The following VWA3B variants were observed in gnomAD, a reference collection of about 807,000 sequenced individuals.
The protein encoded by VWA3B is von Willebrand factor A domain containing 3B, also known as von Willebrand factor A domain-containing protein 3B.
In VWA3B, 138 loss-of-function variants were observed where a neutral mutation model predicts 158.3. The observed-to-expected ratio is 0.87, with a 90% CI of 0.76 to 1.00. VWA3B has a LOEUF of 1.00. VWA3B is among the 50% of genes least tolerant of loss of function. The probability of loss-of-function intolerance (pLI) is 0.00; values close to 1 mark genes in which losing one functional copy is unlikely to be tolerated. For synonymous variants in VWA3B, 596 were observed against 587.3 expected (o/e 1.01, Z -0.21); for missense variants, 1,555 against 1,565.1 (o/e 0.99, Z 0.11).
In VWA3B at chr2:98,303,746, G is replaced by T; in HGVS notation, c.3465G>T (p.Lys1155Asn). ...RSALIKISQN[K>N]YALSCSHIKS... ...CACTTATTAAGATCAGCCAAAACAA[G>T]TATGCGCTCTCTTGCTCTCATATAA... is the stretch of plus-strand genomic sequence containing the variant. The change falls in exon 26 of 28, where the codon AAG becomes AAT. Residue 1155 changes from lysine to asparagine, a missense_variant. Transcript: ENST00000477737. 1 of 1,614,156 alleles carries T rather than the reference G, an allele frequency of 6.2e-7. No individual in the cohort carries two copies. Among genetic ancestry groups the T allele is most frequent in the South Asian group, 1.1e-5 (1 of 91,080 alleles).
At chr2:98,239,476 TC>T (rs1685928920) in intron 19 of VWA3B, among the ~76,000 whole-genome samples, 1 of 152,118 alleles carries the variant, frequency 6.6e-6, no homozygotes, top group African/African-American at 2.4e-5. Context: ...CTCCCTTTTT[TC>T]TTTTACCAAA....
intron 20 of VWA3B, among the ~76,000 whole-genome samples, chr2:98,253,545 A>G (rs1686935027): frequency 6.6e-6 from 1 of 152,118 alleles, no homozygotes. Flanking sequence ...ACTTTCATTG[A>G]AAGTCTAAGG....
intron 5 of VWA3B, among the ~76,000 whole-genome samples, chr2:98,124,115 A>T (rs760943270): frequency 6.6e-6 from 1 of 152,162 alleles, no homozygotes; most frequent in Non-Finnish European, 1.5e-5. Flanking sequence ...GGCCACATTA[A>T]TCCATGACCC....
At chr2:98,096,133 G>C (rs1168889813) in intron 2 of VWA3B, among the ~76,000 whole-genome samples, 1 of 152,228 alleles carries the variant, frequency 6.6e-6, no homozygotes, top group Non-Finnish European at 1.5e-5. Context: ...TGTTGCCTCA[G>C]AGAATGGATT....
chr2:98,210,251 C>T (rs1331905276), intron 12 of VWA3B, among the ~76,000 whole-genome samples: 1 of 152,140 alleles, frequency 6.6e-6, no homozygotes, highest in Non-Finnish European at 1.5e-5. Flanking sequence ...TCTGTGGTTT[C>T]CTGCCTATCC....
chr2:98,140,802 C>T (rs984371883), intron 7 of VWA3B, among the ~76,000 whole-genome samples: 45 of 152,142 alleles, frequency 3.0e-4, no homozygotes, highest in African/African-American at 9.9e-4. Flanking sequence ...TTCATCTTAC[C>T]CATAAGCAAA....
chr2:98,314,024 C>T (rs1346535570), downstream of VWA3B, among the ~76,000 whole-genome samples: 1 of 152,166 alleles, frequency 6.6e-6, no homozygotes, highest in Non-Finnish European at 1.5e-5. Context: ...ACAACAGTTT[C>T]CAAAACACTG....
intron 7 of VWA3B, among the ~76,000 whole-genome samples, chr2:98,158,187 G>A (rs1678259524): frequency 6.6e-6 from 1 of 152,102 alleles, no homozygotes; most frequent in Non-Finnish European, 1.5e-5. Flanking sequence ...AATAAAAAAG[G>A]AGGACAGAAA....
intron 20 of VWA3B, among the ~76,000 whole-genome samples, chr2:98,251,998 C>T (rs933169665): frequency 2.0e-5 from 3 of 152,180 alleles, no homozygotes; most frequent in Non-Finnish European, 2.9e-5. Context: ...CCCCGTGGGT[C>T]GGAGACTTCC....
chr2:98,118,433 G>A (rs1022807580), intron 3 of VWA3B, among the ~76,000 whole-genome samples: 8 of 152,166 alleles, frequency 5.3e-5, no homozygotes, highest in Admixed American at 2.0e-4. Context: ...ATAAAGTACC[G>A]TATCTTCTTT....
intron 21 of VWA3B, among the ~76,000 whole-genome samples, chr2:98,270,187 C>T (rs542195211): frequency 1.3e-5 from 2 of 152,284 alleles, no homozygotes; most frequent in African/African-American, 4.8e-5. Flanking sequence ...CTTATTTAGG[C>T]TTGCAAAGAG....
intron 16 of VWA3B, among the ~76,000 whole-genome samples, chr2:98,233,258 A>T (rs1057084649): frequency 1.3e-5 from 2 of 152,072 alleles, no homozygotes; most frequent in Non-Finnish European, 2.9e-5. Flanking sequence ...TTTTGTTTCC[A>T]TTGGTGATGT....
At chr2:98,175,220 A>G (rs1375586920) in intron 8 of VWA3B, among the ~76,000 whole-genome samples, 1 of 152,244 alleles carries the variant, frequency 6.6e-6, no homozygotes, top group Non-Finnish European at 1.5e-5. Flanking sequence ...CATGTCCAGG[A>G]GGAAGCCCAG....
chr2:98,137,058 C>T (rs1385196536), intron 7 of VWA3B, among the ~76,000 whole-genome samples: 1 of 152,150 alleles, frequency 6.6e-6, no homozygotes, highest in Non-Finnish European at 1.5e-5. Context: ...CACCCATGGA[C>T]TTTTGGGTTG....
intron 7 of VWA3B, among the ~76,000 whole-genome samples, chr2:98,134,285 G>A (rs1384101367): frequency 3.3e-5 from 5 of 152,186 alleles, no homozygotes; most frequent in Admixed American, 6.5e-5. Flanking sequence ...GGGTGCCTGC[G>A]GTTCTTGAGG....
At chr2:98,273,431 T>C (rs904133851) in intron 22 of VWA3B, among the ~76,000 whole-genome samples, 3 of 152,228 alleles carry the variant, frequency 2.0e-5, no homozygotes, top group African/African-American at 7.2e-5. Context: ...ACAAAATGAC[T>C]TCCTCAAAGA....
intron 12 of VWA3B, among the ~76,000 whole-genome samples, chr2:98,197,763 C>T (rs931815128): frequency 6.6e-6 from 1 of 151,604 alleles, no homozygotes; most frequent in Non-Finnish European, 1.5e-5. Context: ...CTTTTTTTCC[C>T]CCTTTAGCAT....
intron 8 of VWA3B, among the ~76,000 whole-genome samples, chr2:98,171,137 T>C (rs1679549290): frequency 6.6e-6 from 1 of 152,252 alleles, no homozygotes; most frequent in Non-Finnish European, 1.5e-5. Context: ...ACTCGTCTAT[T>C]CTTTCCTTTA....
chr2:98,119,846 CAGTT>C, intron 4 of VWA3B, 83 bp downstream of exon 4: 5 of 1,491,658 alleles, frequency 3.4e-6, no homozygotes, highest in African/African-American at 2.8e-5. Flanking sequence ...ACAGCTGACA[CAGTT>C]AGCTCTCTGG....
Sources: gnomAD v4.1 joint callset for allele counts (sites outside exome capture counted in the v4.1 genomes callset) on GRCh38, gnomAD v4.1.1 for gene constraint, MANE v1.5 for transcripts, NCBI Gene and HGNC (gene_info 2026-07-23, HGNC 2026-07-21) for gene names.